Variants in ANKRD12 observed in about 807,000 individuals in gnomAD.
ANKRD12 encodes the protein ankyrin repeat domain-containing protein 12.
A neutral mutation model predicts 183.4 loss-of-function variants in ANKRD12; 85 were observed. The observed-to-expected ratio is 0.46, with a 90% CI of 0.39 to 0.56. The LOEUF (loss-of-function observed/expected upper bound fraction) is 0.56. ANKRD12 is among the 20% of genes least tolerant of loss of function. ANKRD12 has a pLI of 0.00. For synonymous variants in ANKRD12, 914 were observed against 800.2 expected (o/e 1.14, Z -2.40); for missense variants, 2,405 against 2,357.1 (o/e 1.02, Z -0.42).
intron 9 of ANKRD12, among the ~76,000 whole-genome samples, chr18:9,260,744 T>C (rs2038919047): frequency 1.3e-5 from 2 of 152,102 alleles, no homozygotes; most frequent in Admixed American, 1.3e-4. Context: ...AGAGGGAAAG[T>C]TTCCTCAGAA....
chr18:9,137,680 C>T (rs907134067), intron 1 of ANKRD12: 1 of 152,194 alleles, frequency 6.6e-6, no homozygotes, highest in Non-Finnish European at 1.5e-5. Flanking sequence ...CTCTACAGTT[C>T]TGTCTTAAAT....
At chr18:9,146,847 AGGTTTGT>A (rs1471518619) in intron 1 of ANKRD12, among the ~76,000 whole-genome samples, 3 of 152,218 alleles carry the variant, frequency 2.0e-5, no homozygotes, top group African/African-American at 7.2e-5. Context: ...TATAAGAGGT[AGGTTTGT>A]GTTGGAGAGT....
At chr18:9,222,791 T>C (rs546158081) in intron 8 of ANKRD12, among the ~76,000 whole-genome samples, 1 of 152,330 alleles carries the variant, frequency 6.6e-6, no homozygotes, top group African/African-American at 2.4e-5. Flanking sequence ...TCATGTAATA[T>C]AGTTAAATTA....
intron 1 of ANKRD12, among the ~76,000 whole-genome samples, chr18:9,140,896 A>G (rs929123710): frequency 6.6e-6 from 1 of 152,184 alleles, no homozygotes; most frequent in Non-Finnish European, 1.5e-5. Flanking sequence ...TAAGTGAAAC[A>G]TTTCAGGTAA....
At position 9,182,385 on chromosome 18, in the gene ANKRD12, C is replaced by G; in HGVS notation, c.-48C>G. On this transcript the variant is annotated 5_prime_UTR_variant, in exon 2 of 13. Coordinates refer to ENST00000262126, the MANE Select transcript of ANKRD12 (RefSeq NM_015208.5). ...CTTATATATCTATTCTTTACAGATC[C>G]AGGATGAGAAGACTGATAAAAGAAG... The G allele has an allele frequency of 7.9e-7, 1 of 1,271,188 alleles. No homozygotes were observed. Among genetic ancestry groups the G allele is most frequent in the Non-Finnish European group, 1.1e-6 (1 of 885,600 alleles). The allele number at this position is 1,271,188 out of a possible 1,614,324, so 78.7% of individuals were successfully genotyped here.
At chr18:9,254,099 T>C (rs2038454966) in intron 8 of ANKRD12, 112 bp from the exon 9 acceptor site, 1 of 1,161,828 alleles carries the variant, frequency 8.6e-7, no homozygotes, top group East Asian at 2.9e-5. Flanking sequence ...TGATTATGAA[T>C]TGTTTGAAAT....
chr18:9,140,549 G>A (rs1037937460), intron 1 of ANKRD12, among the ~76,000 whole-genome samples: 1 of 152,172 alleles, frequency 6.6e-6, no homozygotes, highest in Non-Finnish European at 1.5e-5. Flanking sequence ...CTTTTTAAAA[G>A]TAATAGTGAA....
intron 1 of ANKRD12, among the ~76,000 whole-genome samples, chr18:9,180,411 T>C (rs1344960215): frequency 6.6e-6 from 1 of 152,166 alleles, no homozygotes; most frequent in African/African-American, 2.4e-5. Context: ...CTCTGTCTTT[T>C]GGTGTGTTTA....
intron 4 of ANKRD12, 134 bp from the exon 5 acceptor site, chr18:9,208,519 TTGTC>T (rs936539119): frequency 9.0e-6 from 5 of 557,044 alleles, no homozygotes; most frequent in Non-Finnish European, 1.4e-5. Flanking sequence ...CATTGTGCTT[TTGTC>T]TGGCTACTAC....
At position 9,279,555 on chromosome 18, in the gene ANKRD12, G is replaced by A; in HGVS notation, c.5914G>A (p.Asp1972Asn). 1 of 1,586,146 alleles carries A rather than the reference G, an allele frequency of 6.3e-7. No homozygotes were observed. The highest frequency in any genetic ancestry group is 8.6e-7 in the Non-Finnish European group (1 of 1,162,832). Residue 1972 changes from aspartate (D) to asparagine (N), a missense_variant, in exon 12 of 13, where the codon GAC becomes AAC. Physicochemically the swap from Asp to Asn is conservative, Grantham distance 23. Around this residue, in one of 7 missense-constraint regions of ANKRD12, gnomAD observed 162 missense variants for 272.2 expected, o/e 0.60. Coordinates refer to ENST00000262126, the MANE Select transcript of ANKRD12 (RefSeq NM_015208.5). ...YNVPLDSQSD[D>N]SKTSVRDRFN... ...ACTCACTTTTCTCTTTTAGTCTGATGACAGTAAAACTTCTGTGAGGGATCG... is the reference window on the plus strand; with the variant it reads ...ACTCACTTTTCTCTTTTAGTCTGATAACAGTAAAACTTCTGTGAGGGATCG...
In ANKRD12 at chr18:9,254,824, G is replaced by T; in HGVS notation, c.1557G>T (p.Gly519=). The T allele has an allele frequency of 6.7e-7, 1 of 1,481,902 alleles. No individual in the cohort carries two copies. The highest frequency in any genetic ancestry group is 1.5e-5 in the South Asian group (1 of 66,426). The allele number at this position is 1,481,902 out of a possible 1,614,324, so 91.8% of individuals were successfully genotyped here. A position where few individuals can be genotyped will look rare whatever the true frequency, so the allele number is the denominator to read the frequency against. Reference sequence around the variant, plus strand: ...GTTCAGAAAAGACCAGAGAGGAGGGGAACTTTAGGAAATCTTTTAGCCCAA... The same window carrying T: ...GTTCAGAAAAGACCAGAGAGGAGGGTAACTTTAGGAAATCTTTTAGCCCAA... ...LDCSEKTREE[G]NFRKSFSPKD... Residue 519 remains glycine (G), a synonymous_variant, in exon 9 of 13, where the codon GGG becomes GGT. Transcript: ENST00000262126.
At chr18:9,193,135 AT>A (rs397751904) in intron 2 of ANKRD12, among the ~76,000 whole-genome samples, 2,003 of 128,416 alleles carry the variant, frequency 0.016, 15 homozygotes, top group African/African-American at 0.045. Context: ...TGAGTACAGC[AT>A]TTTTTTTTTT....
At chr18:9,170,073 G>T (rs374830926) in intron 1 of ANKRD12, among the ~76,000 whole-genome samples, 1 of 152,198 alleles carries the variant, frequency 6.6e-6, no homozygotes, top group East Asian at 1.9e-4. Flanking sequence ...AGTTTCTGCC[G>T]AGAGATCAGC....
At chr18:9,261,061 A>G (rs1374713942) in intron 9 of ANKRD12, among the ~76,000 whole-genome samples, 1 of 152,054 alleles carries the variant, frequency 6.6e-6, no homozygotes, top group African/African-American at 2.4e-5. Flanking sequence ...TGGGCCAGTC[A>G]CTAGTATTTT....
chr18:9,181,912 T>C (rs1399434720), intron 1 of ANKRD12, among the ~76,000 whole-genome samples: 1 of 152,178 alleles, frequency 6.6e-6, no homozygotes, highest in African/African-American at 2.4e-5. Context: ...GCTGAGGATG[T>C]TCAGTAAAGA....
At chr18:9,154,890 T>C (rs961792544) in intron 1 of ANKRD12, among the ~76,000 whole-genome samples, 2 of 152,222 alleles carry the variant, frequency 1.3e-5, no homozygotes, top group African/African-American at 4.8e-5. Context: ...CTATTAGATA[T>C]CCATGTGAAG....
At chr18:9,158,288 A>G (rs570684452) in intron 1 of ANKRD12, among the ~76,000 whole-genome samples, 23 of 152,340 alleles carry the variant, frequency 1.5e-4, no homozygotes, top group South Asian at 4.1e-4. Flanking sequence ...ATTGTTAACT[A>G]AAGTTCATAC....
intron 8 of ANKRD12, among the ~76,000 whole-genome samples, chr18:9,230,771 G>A (rs2036996367): frequency 1.3e-5 from 2 of 151,366 alleles, no homozygotes; most frequent in Non-Finnish European, 1.5e-5. Context: ...AGATTCTCCT[G>A]CCTCAGCCTC....
At chr18:9,246,818 A>C (rs1160084692) in intron 8 of ANKRD12, among the ~76,000 whole-genome samples, 1 of 152,236 alleles carries the variant, frequency 6.6e-6, no homozygotes, top group Non-Finnish European at 1.5e-5. Flanking sequence ...GGCACTTTAC[A>C]TAAATTAGTT....
Sources: gnomAD v4.1 joint callset for allele counts (sites outside exome capture counted in the v4.1 genomes callset) on GRCh38, gnomAD v4.1.1 for gene constraint, gnomAD v4.1.1 regional missense constraint, MANE v1.5 for transcripts, NCBI Gene and HGNC (gene_info 2026-07-23, HGNC 2026-07-21) for gene names.